The following LRP1B variants were observed in gnomAD, a reference collection of about 807,000 sequenced individuals.
LRP1B encodes LDL receptor related protein 1B, also known as low-density lipoprotein receptor-related protein 1B.
Under a neutral mutation model 556.6 loss-of-function variants are expected in LRP1B, and 217 were observed. The ratio of observed to expected loss-of-function variants is 0.39; its 90% CI spans 0.35 to 0.44. The LOEUF is 0.44. Ranked by LOEUF, LRP1B falls within the 20% of genes least tolerant of loss-of-function variation. The pLI, the probability that LRP1B is intolerant of heterozygous loss-of-function variation, is 1.00. For missense variants in LRP1B, 5,053 were observed against 5,620.8 expected (o/e 0.90, Z 3.23); for synonymous variants, 2,047 against 1,865.8 (o/e 1.10, Z -2.50).
intron 43 of LRP1B, among the ~76,000 whole-genome samples, chr2:140,550,397 A>T (rs1218477988): frequency 4.6e-5 from 7 of 152,170 alleles, no homozygotes; most frequent in Non-Finnish European, 1.0e-4. Flanking sequence ...ATAAAATTTT[A>T]ACCTGAAAAA....
At position 140,245,052 on chromosome 2, in the gene LRP1B, C is replaced by G. The variant is rs548770285; in HGVS notation, c.13324+2034G>C. Among the ~76,000 whole-genome samples the G allele has an allele frequency of 1.6e-3, 241 of 151,388 alleles. 2 individuals carry two copies. The highest frequency in any genetic ancestry group is 4.1e-3 in the Admixed American group (62 of 15,156). ...TCTGATAATAAGCATCTAATAGAGT[C>G]ATTATTTGGTCAACTTTGATCAAGT... On this transcript the variant is annotated intron_variant, in intron 87 of 90. Transcript: ENST00000389484.
At chr2:140,255,507 A>G (rs1001231197) in intron 86 of LRP1B, among the ~76,000 whole-genome samples, 2 of 152,192 alleles carry the variant, frequency 1.3e-5, no homozygotes, top group Non-Finnish European at 2.9e-5. Flanking sequence ...ATCTAAAGGC[A>G]CCTTTGCCTA....
intron 7 of LRP1B, among the ~76,000 whole-genome samples, chr2:141,145,922 C>CTTTTTTTTTTTTTTTT (rs70991144): frequency 1.8e-4 from 12 of 67,194 alleles, no homozygotes; most frequent in Non-Finnish European, 1.9e-4. Flanking sequence ...TTCTTTCTTT[C>CTTTTTTTTTTTTTTTT]TTTTTTTTTT....
chr2:141,325,725 C>T (rs1687406948), intron 3 of LRP1B, among the ~76,000 whole-genome samples: 1 of 152,000 alleles, frequency 6.6e-6, no homozygotes, highest in South Asian at 2.1e-4. Context: ...GAGAAGCCTT[C>T]ATGGAGGAAG....
At chr2:140,390,261 T>C (rs1683957255) in intron 66 of LRP1B, among the ~76,000 whole-genome samples, 1 of 152,124 alleles carries the variant, frequency 6.6e-6, no homozygotes, top group South Asian at 2.1e-4. Flanking sequence ...GCTACAGTAA[T>C]CAAGAGAATG....
intron 16 of LRP1B, among the ~76,000 whole-genome samples, chr2:140,990,470 G>A (rs1257269804): frequency 6.6e-6 from 1 of 151,630 alleles, no homozygotes; most frequent in African/African-American, 2.4e-5. Flanking sequence ...AATGGAAGGA[G>A]GAACACAGAA....
intron 20 of LRP1B, among the ~76,000 whole-genome samples, chr2:140,924,112 G>A (rs1356362547): frequency 6.6e-5 from 10 of 151,844 alleles, no homozygotes; most frequent in Admixed American, 3.9e-4. Context: ...GCTACCTATA[G>A]CAGCAATTGA....
At chr2:140,969,813 G>T (rs1159804772) in intron 18 of LRP1B, among the ~76,000 whole-genome samples, 6 of 152,090 alleles carry the variant, frequency 3.9e-5, no homozygotes, top group Admixed American at 3.9e-4. Flanking sequence ...TGAAATCCTG[G>T]GTTGAAAATT....
In LRP1B at chr2:141,700,447, G is replaced by A. The variant is rs75785225; in HGVS notation, c.205+109832C>T. 4.5e-3 allele frequency among the ~76,000 whole-genome samples: 690 copies of A among 151,864 alleles called. 7 individuals carry two copies. The highest frequency in any genetic ancestry group is 0.016 in the African/African-American group (652 of 41,468). On this transcript the variant is annotated intron_variant, in intron 2 of 90. Transcript: ENST00000389484. ...TTATTCTAAAATTGTAATCTCATAT[G>A]ACCTAAGAGAATAATATATTGAGCT... is the stretch of plus-strand genomic sequence containing the variant.
At chr2:140,324,347 A>G (rs917906184) in intron 80 of LRP1B, among the ~76,000 whole-genome samples, 1 of 152,016 alleles carries the variant, frequency 6.6e-6, no homozygotes, top group Non-Finnish European at 1.5e-5. Context: ...TATTATTTGC[A>G]GACTAATCCT....
At chr2:141,306,684 T>A (rs1371504482) in intron 3 of LRP1B, among the ~76,000 whole-genome samples, 1 of 152,084 alleles carries the variant, frequency 6.6e-6, no homozygotes, top group South Asian at 2.1e-4. Flanking sequence ...CTTGCTTTTC[T>A]TTTTCCTTGA....
chr2:140,287,641 T>TAAAAA (rs34500444), intron 84 of LRP1B, among the ~76,000 whole-genome samples: 1 of 135,282 alleles, frequency 7.4e-6, no homozygotes, highest in Non-Finnish European at 1.6e-5. Flanking sequence ...ATATTGCAAG[T>TAAAAA]AAAAAAAAAA....
chr2:140,762,228 C>T (rs965428339), intron 35 of LRP1B, among the ~76,000 whole-genome samples: 2 of 152,100 alleles, frequency 1.3e-5, no homozygotes, highest in Non-Finnish European at 2.9e-5. Flanking sequence ...TTATGCAGTT[C>T]ATGTTTGATG....
At chr2:141,198,767 T>C (rs1681869249) in intron 6 of LRP1B, among the ~76,000 whole-genome samples, 1 of 152,154 alleles carries the variant, frequency 6.6e-6, no homozygotes, top group Admixed American at 6.5e-5. Flanking sequence ...AAAACATAGT[T>C]TACACAGAGG....
chr2:141,138,303 G>A (rs911425466), intron 7 of LRP1B, among the ~76,000 whole-genome samples: 2 of 151,850 alleles, frequency 1.3e-5, no homozygotes, highest in African/African-American at 2.4e-5. Flanking sequence ...AGAAACTTAC[G>A]GGTAGTATAC....
In LRP1B at chr2:142,122,211, C is replaced by T. The variant is rs558280476; in HGVS notation, c.82+8437G>A. Among the ~76,000 whole-genome samples the T allele has an allele frequency of 3.3e-5, 5 of 152,114 alleles. No individual in the cohort carries two copies. In the East Asian group the frequency reaches 9.7e-4, roughly 29 times the overall value. ...CATGCCCTTCATTACTTTATGTTCT[C>T]CTAGCAATGAGAATAGCAAAGGAAG... On this transcript the variant is annotated intron_variant, in intron 1 of 90. Transcript: ENST00000389484.
In LRP1B at chr2:140,501,795, A is replaced by G. The variant is rs1390766300; in HGVS notation, c.8742T>C (p.Asp2914=). The change falls in exon 55 of 91, where the codon GAT becomes GAC. Residue 2914 remains aspartate, a synonymous_variant. Transcript: ENST00000389484. Reference sequence around the variant, plus strand: ...TCTCATCTGAACCATCGCCACAGTCATCCTTATTGTCGCAAAGACCTCCAC... The same window carrying G: ...TCTCATCTGAACCATCGCCACAGTCGTCCTTATTGTCGCAAAGACCTCCAC... ...IPSGGLCDNK[D]DCGDGSDERN... The G allele has an allele frequency of 6.2e-7, 1 of 1,612,842 alleles. No homozygotes were observed. The highest frequency in any genetic ancestry group is 1.3e-5 in the African/African-American group (1 of 74,852).
intron 14 of LRP1B, among the ~76,000 whole-genome samples, chr2:141,009,723 A>T (rs1411507342): frequency 6.6e-6 from 1 of 152,034 alleles, no homozygotes; most frequent in Non-Finnish European, 1.5e-5. Context: ...CTATAAAAGT[A>T]GTCAAGGGGA....
At chr2:141,793,471 T>A (rs1290638863) in intron 2 of LRP1B, among the ~76,000 whole-genome samples, 1 of 151,952 alleles carries the variant, frequency 6.6e-6, no homozygotes, top group East Asian at 1.9e-4. Flanking sequence ...GGTTCCAAGG[T>A]TAAGTGGCAT....
Sources: allele counts gnomAD v4.1 joint callset (sites outside exome capture counted in the v4.1 genomes callset), GRCh38; gene constraint gnomAD v4.1.1; transcripts MANE v1.5; gene names NCBI Gene and HGNC (gene_info 2026-07-23, HGNC 2026-07-21).